GPD1L: variants seen among roughly 807,000 people sequenced by gnomAD.
The protein encoded by GPD1L is glycerol-3-phosphate dehydrogenase 1-like protein.
A neutral mutation model predicts 32.9 loss-of-function variants in GPD1L; 17 were observed. The observed-to-expected ratio is 0.52, with a 90% CI of 0.35 to 0.78. The LOEUF (loss-of-function observed/expected upper bound fraction) is 0.78, where lower values mean the gene tolerates loss of function less well. Ranked by LOEUF, GPD1L falls within the 30% of genes least tolerant of loss-of-function variation. GPD1L has a pLI of 0.01. For synonymous variants in GPD1L, 187 were observed against 165.9 expected (o/e 1.13, Z -0.98); for missense variants, 361 against 447.8 (o/e 0.81, Z 1.75).
At chr3:32,130,788 G>A (rs994559433) in intron 2 of GPD1L, among the ~76,000 whole-genome samples, 5 of 152,062 alleles carry the variant, frequency 3.3e-5, no homozygotes, top group Non-Finnish European at 4.4e-5. Context: ...TGAGGGGGGC[G>A]GATCACTTGA....
At chr3:32,155,799 T>C (rs149167826) in intron 5 of GPD1L, among the ~76,000 whole-genome samples, 2 of 152,326 alleles carry the variant, frequency 1.3e-5, no homozygotes, top group Non-Finnish European at 2.9e-5. Context: ...TGAAAAGTCT[T>C]GTCCAAGCCC....
chr3:32,161,093 C>G (rs1447125511), intron 7 of GPD1L, among the ~76,000 whole-genome samples: 1 of 152,076 alleles, frequency 6.6e-6, no homozygotes, highest in Non-Finnish European at 1.5e-5. Flanking sequence ...CTGGTTGCAG[C>G]TCCTTTATCC....
intron 5 of GPD1L, among the ~76,000 whole-genome samples, chr3:32,148,533 AT>A (rs1700865855): frequency 6.6e-6 from 1 of 152,196 alleles, no homozygotes; most frequent in Non-Finnish European, 1.5e-5. Flanking sequence ...CAGAGTTAAA[AT>A]TTTTGAAAAC....
intron 4 of GPD1L, among the ~76,000 whole-genome samples, chr3:32,141,986 A>G (rs6550095): frequency 0.024 from 3,671 of 152,104 alleles, 145 homozygotes; most frequent in African/African-American, 0.084. Flanking sequence ...TGTTGTTGCT[A>G]TCTTTATGTT....
At chr3:32,154,404 G>A (rs1261017676) in intron 5 of GPD1L, among the ~76,000 whole-genome samples, 1 of 152,124 alleles carries the variant, frequency 6.6e-6, no homozygotes, top group East Asian at 1.9e-4. Flanking sequence ...TGGAGCTCAG[G>A]GCCTGTCCAT....
chr3:32,133,675 T>G (rs972487630), intron 2 of GPD1L, among the ~76,000 whole-genome samples: 8 of 152,196 alleles, frequency 5.3e-5, no homozygotes, highest in Admixed American at 2.6e-4. Flanking sequence ...TAGTCCTAAT[T>G]GGTTTTAAAG....
chr3:32,159,119 C>T lies in GPD1L; in HGVS notation c.852+10C>T. ...CGCCAGAACTGGGAAGGTAGCCCCT[C>T]ACCTGCTCTCCCGCACCCCCTCCTT... On this transcript the variant is annotated intron_variant, in intron 6 of 7. Coordinates refer to ENST00000282541, the MANE Select transcript of GPD1L (RefSeq NM_015141.4). 2 of 1,598,200 alleles carry T rather than the reference C, an allele frequency of 1.3e-6. No homozygotes were observed. The highest frequency in any genetic ancestry group is 1.7e-6 in the Non-Finnish European group (2 of 1,166,078).
intron 7 of GPD1L, among the ~76,000 whole-genome samples, chr3:32,163,081 A>G (rs1452217903): frequency 6.6e-6 from 1 of 150,936 alleles, no homozygotes; most frequent in African/African-American, 2.4e-5. Context: ...AATACTGCAC[A>G]TCCCTGCACT....
At position 32,115,462 on chromosome 3, in the gene GPD1L, T is replaced by C. The variant is rs533730158; in HGVS notation, c.47+8704T>C. On this transcript the variant is annotated intron_variant, in intron 1 of 7. Transcript: ENST00000282541. ...AGCTGGCTTCACCTCTCATTATCAT[T>C]ACAGCCAGAGTCACATGTATGTCCT... 1.0e-3 allele frequency among the ~76,000 whole-genome samples: 153 copies of C among 152,352 alleles called. 1 individual carries two copies. The highest frequency in any genetic ancestry group is 3.5e-3 in the African/African-American group (147 of 41,588).
intron 2 of GPD1L, 54 bp downstream of exon 2, chr3:32,128,307 T>G: frequency 6.9e-7 from 1 of 1,440,686 alleles, no homozygotes; most frequent in Non-Finnish European, 9.8e-7. Flanking sequence ...TGTGCTTGGC[T>G]GAGCAGCACT....
chr3:32,156,007 T>C (rs192360371), intron 5 of GPD1L, among the ~76,000 whole-genome samples: 10 of 152,282 alleles, frequency 6.6e-5, no homozygotes, highest in South Asian at 6.2e-4. Context: ...TTATGGTCCC[T>C]GCTCTTAGCC....
At chr3:32,120,121 C>T (rs1211322601) in intron 1 of GPD1L, among the ~76,000 whole-genome samples, 1 of 152,104 alleles carries the variant, frequency 6.6e-6, no homozygotes, top group Non-Finnish European at 1.5e-5. Flanking sequence ...AGATCAAGAC[C>T]ATGCCAGCCA....
chr3:32,164,376 G>A (rs1342832093), intron 7 of GPD1L, among the ~76,000 whole-genome samples: 1 of 152,208 alleles, frequency 6.6e-6, no homozygotes, highest in African/African-American at 2.4e-5. Flanking sequence ...CCCTTGCCGT[G>A]CATGGTGCCA....
chr3:32,164,898 ATG>A (rs10576260), intron 7 of GPD1L, among the ~76,000 whole-genome samples: 60,020 of 151,652 alleles, frequency 0.4, 12,987 homozygotes, highest in East Asian at 0.6. Context: ...ACTTTGAGCT[ATG>A]TGTGTGTGTG....
intron 3 of GPD1L, 58 bp downstream of exon 3, chr3:32,138,785 C>T: frequency 6.5e-7 from 1 of 1,549,070 alleles, no homozygotes; most frequent in Non-Finnish European, 8.9e-7. Context: ...ATTTCATTTC[C>T]TCACACTTTC....
At chr3:32,122,584 A>G (rs74603835) in intron 1 of GPD1L, among the ~76,000 whole-genome samples, 1 of 152,170 alleles carries the variant, frequency 6.6e-6, no homozygotes, top group East Asian at 1.9e-4. Flanking sequence ...TTATACATCT[A>G]TGTAAAGACC....
At chr3:32,151,462 G>T in intron 5 of GPD1L, 1 of 446,216 alleles carries the variant, frequency 2.2e-6, no homozygotes, top group Non-Finnish European at 4.0e-6. Context: ...TTAAAAAAAG[G>T]TTTTTTAGCT....
At chr3:32,139,377 G>A (rs1012979280) in intron 3 of GPD1L, among the ~76,000 whole-genome samples, 1 of 152,092 alleles carries the variant, frequency 6.6e-6, no homozygotes, top group East Asian at 1.9e-4. Context: ...GGAAATTGTG[G>A]TAATTGTTAG....
In GPD1L at chr3:32,128,266, G is replaced by A. The variant is rs1575111584; in HGVS notation, c.225+13G>A. 1 of 1,609,324 alleles carries A rather than the reference G, an allele frequency of 6.2e-7. No individual in the cohort carries two copies. Among genetic ancestry groups the A allele is most frequent in the Non-Finnish European group, 8.5e-7 (1 of 1,175,916 alleles). ...GCCAGAAAATGTGGTAAGACTTTGG[G>A]GTGAAATGTACATTGGTTCATTCTG... On this transcript the variant is annotated intron_variant, in intron 2 of 7. Transcript: ENST00000282541.
Sources: gnomAD v4.1 joint callset for allele counts (sites outside exome capture counted in the v4.1 genomes callset) on GRCh38, gnomAD v4.1.1 for gene constraint, MANE v1.5 for transcripts, NCBI Gene and HGNC (gene_info 2026-07-23, HGNC 2026-07-21) for gene names.